The following EPHA5 variants were observed in gnomAD, a reference collection of about 807,000 sequenced individuals.
The protein encoded by EPHA5 is EPH receptor A5.
Under a neutral mutation model 105.0 loss-of-function variants are expected in EPHA5, and 60 were observed. The observed-to-expected ratio is 0.57, with a 90% CI of 0.46 to 0.71. The LOEUF is 0.71. Ranked by LOEUF, EPHA5 falls within the 30% of genes least tolerant of loss-of-function variation. EPHA5 has a pLI of 0.00. For missense variants in EPHA5, 1,218 were observed against 1,274.7 expected, an observed-to-expected ratio of 0.96 and a Z score of 0.68; for synonymous variants, 513 against 449.1, an observed-to-expected ratio of 1.14 and a Z score of -1.80.
At chr4:65,630,148 T>A (rs1746502249) in intron 2 of EPHA5, among the ~76,000 whole-genome samples, 1 of 151,688 alleles carries the variant, frequency 6.6e-6, no homozygotes, top group Non-Finnish European at 1.5e-5. Context: ...GTCAGGTGGT[T>A]AGTAACTATC....
chr4:65,357,936 C>G (rs1432430804), intron 11 of EPHA5, among the ~76,000 whole-genome samples: 1 of 151,286 alleles, frequency 6.6e-6, no homozygotes, highest in Non-Finnish European at 1.5e-5. Flanking sequence ...ATATGCCGTT[C>G]CTGGTAATAC....
chr4:65,474,187 T>A lies in EPHA5; in HGVS notation c.1402+16190A>T, dbSNP rs546684179. Among the ~76,000 whole-genome samples, 5 of 152,118 alleles carry A rather than the reference T, an allele frequency of 3.3e-5. No homozygotes were observed. In the South Asian group the frequency reaches 1.0e-3, roughly 32 times the overall value. The stretch of plus-strand genomic sequence containing the variant: ...AAGTATAACAATAATAATAAAGAAA[T>A]GAATTCTTTTTAATATGAATATACT... On this transcript the variant is annotated intron_variant, in intron 5 of 16. Transcript: ENST00000613740.
intron 1 of EPHA5, among the ~76,000 whole-genome samples, chr4:65,667,452 G>A (rs947897298): frequency 5.3e-5 from 8 of 152,088 alleles, no homozygotes; most frequent in African/African-American, 1.9e-4. Context: ...AGAGCACCAG[G>A]TGGTAAGGTA....
intron 5 of EPHA5, among the ~76,000 whole-genome samples, chr4:65,457,830 T>C (rs1727746157): frequency 1.3e-5 from 2 of 152,112 alleles, no homozygotes; most frequent in South Asian, 4.1e-4. Flanking sequence ...CATATAAATG[T>C]ATGCTACTTA....
chr4:65,402,308 G>C (rs1012269600), intron 8 of EPHA5, among the ~76,000 whole-genome samples: 1 of 152,094 alleles, frequency 6.6e-6, no homozygotes. Flanking sequence ...TGTGAGAACC[G>C]ATACAAAGTG....
chr4:65,419,904 G>A (rs1357407387), intron 6 of EPHA5, among the ~76,000 whole-genome samples: 2 of 152,138 alleles, frequency 1.3e-5, no homozygotes, highest in African/African-American at 2.4e-5. Flanking sequence ...AGAACAAGGG[G>A]AAATCAAGAA....
At chr4:65,541,881 AACAG>A (rs1322860574) in intron 3 of EPHA5, among the ~76,000 whole-genome samples, 3 of 152,020 alleles carry the variant, frequency 2.0e-5, no homozygotes, top group Non-Finnish European at 2.9e-5. Context: ...CTGAAATCGT[AACAG>A]ACAGTCTCTC....
chr4:65,545,397 T>C (rs746755716), intron 3 of EPHA5, among the ~76,000 whole-genome samples: 12 of 151,748 alleles, frequency 7.9e-5, no homozygotes, highest in Non-Finnish European at 1.5e-4. Context: ...ATGAAGATCG[T>C]ATGTTGATGT....
At position 65,347,517 on chromosome 4, in the gene EPHA5, T is replaced by C. The variant is rs187406794; in HGVS notation, c.2595+537A>G. On this transcript the variant is annotated intron_variant, in intron 14 of 16. Transcript: ENST00000613740. ...TTCCTTTAATTTTAGGATTCTATTA[T>C]TGTAAGTATGAATTATTTTTCCATT... 1.1e-3 allele frequency among the ~76,000 whole-genome samples: 168 copies of C among 152,336 alleles called. 2 individuals carry two copies. The highest frequency in any genetic ancestry group is 4.1e-4 in the Non-Finnish European group (28 of 68,030).
At chr4:65,666,465 AGTTCAGG>A (rs1425984433) in intron 1 of EPHA5, among the ~76,000 whole-genome samples, 1 of 152,236 alleles carries the variant, frequency 6.6e-6, no homozygotes, top group Non-Finnish European at 1.5e-5. Flanking sequence ...CTACTGAATA[AGTTCAGG>A]GCCACCTCCA....
At chr4:65,602,691 A>G (rs1052704790) in intron 2 of EPHA5, among the ~76,000 whole-genome samples, 7 of 152,178 alleles carry the variant, frequency 4.6e-5, no homozygotes, top group South Asian at 2.1e-4. Context: ...TTCAGCATAT[A>G]CATAAATAGG....
At chr4:65,543,958 A>T (rs1386077133) in intron 3 of EPHA5, among the ~76,000 whole-genome samples, 9 of 152,118 alleles carry the variant, frequency 5.9e-5, no homozygotes, top group Non-Finnish European at 8.8e-5. Flanking sequence ...AACCTGACAA[A>T]CACAAGCAAT....
At chr4:65,638,837 C>T (rs533299600) in intron 2 of EPHA5, among the ~76,000 whole-genome samples, 2 of 152,108 alleles carry the variant, frequency 1.3e-5, no homozygotes, top group African/African-American at 2.4e-5. Context: ...CTCCTCTTAC[C>T]CAAGTTTTAT....
At chr4:65,603,181 ATTAT>A (rs1743909124) in intron 2 of EPHA5, among the ~76,000 whole-genome samples, 1 of 152,112 alleles carries the variant, frequency 6.6e-6, no homozygotes, top group Non-Finnish European at 1.5e-5. Flanking sequence ...CTTCCAAAAT[ATTAT>A]TTGGCCAAAG....
chr4:65,378,972 A>G (rs1719287686), intron 8 of EPHA5, among the ~76,000 whole-genome samples: 2 of 151,990 alleles, frequency 1.3e-5, no homozygotes, highest in South Asian at 4.1e-4. Flanking sequence ...AAAAATGAAC[A>G]ATTACTGGTT....
intron 16 of EPHA5, among the ~76,000 whole-genome samples, chr4:65,327,247 C>T (rs1388034398): frequency 6.6e-6 from 1 of 151,160 alleles, no homozygotes; most frequent in Non-Finnish European, 1.5e-5. Context: ...CAGAACATTT[C>T]ATACTTACAG....
intron 11 of EPHA5, among the ~76,000 whole-genome samples, chr4:65,364,799 CA>C (rs1455606709): frequency 6.6e-6 from 1 of 151,302 alleles, no homozygotes; most frequent in African/African-American, 2.4e-5. Context: ...ACATTGAATT[CA>C]TAGCAAATGG....
chr4:65,600,229 T>A (rs114537307), intron 3 of EPHA5, among the ~76,000 whole-genome samples: 1,921 of 152,272 alleles, frequency 0.013, 12 homozygotes, highest in Admixed American at 0.021. Flanking sequence ...TAAAAGATAA[T>A]ATTAGAACAT....
At position 65,622,464 on chromosome 4, in the gene EPHA5, T is replaced by C. The variant is rs4504309; in HGVS notation, c.247-20160A>G. On this transcript the variant is annotated intron_variant, in intron 2 of 16. Transcript: ENST00000613740. ...CTATTCAAGCGTTCTTGCCTTTAAA[T>C]GAAGATAAAATGTTTTGTAATTCCC... 8.8e-3 allele frequency among the ~76,000 whole-genome samples: 1,340 copies of C among 152,214 alleles called. 23 individuals carry two copies. Among genetic ancestry groups the C allele is most frequent in the African/African-American group, 0.031 (1,287 of 41,558 alleles).
Sources: gnomAD v4.1 joint callset for allele counts (sites outside exome capture counted in the v4.1 genomes callset) on GRCh38, gnomAD v4.1.1 for gene constraint, MANE v1.5 for transcripts, NCBI Gene and HGNC (gene_info 2026-07-23, HGNC 2026-07-21) for gene names.